Variants in ADGRE2 observed in about 807,000 individuals in gnomAD.
ADGRE2 encodes the protein CD97 antigen.
Under a neutral mutation model 100.8 loss-of-function variants are expected in ADGRE2, and 83 were observed. That is an observed-to-expected ratio of 0.82 (90% CI 0.69 to 0.99). The LOEUF (loss-of-function observed/expected upper bound fraction) is 0.99. Ranked by LOEUF, ADGRE2 falls within the 50% of genes least tolerant of loss-of-function variation. The pLI is 0.00. For missense variants in ADGRE2, 814 were observed against 1,035.7 expected (o/e 0.79, Z 2.94); for synonymous variants, 355 against 413.0 (o/e 0.86, Z 1.70).
At chr19:14,777,700 TG>T (rs1373453270) in intron 1 of ADGRE2, among the ~76,000 whole-genome samples, 1 of 123,190 alleles carries the variant, frequency 8.1e-6, no homozygotes, top group Admixed American at 1.0e-4. Flanking sequence ...TGTGTCCAGG[TG>T]TTCTCATTGC....
Position 14,754,439 on chromosome 19 carries a change from T to TTATCTATCTATC in ADGRE2, c.1590+503_1590+514dup, listed in dbSNP as rs58065037. ...TGGCTAGAATATAAGCAGGCAGAAA[T>TTATCTATCTATC]TATCTATCTATCTATCTATCTATCT... On this transcript the variant is annotated intron_variant, in intron 14 of 20. Transcript: ENST00000315576. 6.0e-3 allele frequency among the ~76,000 whole-genome samples: 763 copies of TTATCTATCTATC among 126,328 alleles called. 5 individuals carry two copies. The highest frequency in any genetic ancestry group is 0.015 in the Middle Eastern group (4 of 266). The allele number at this position is 126,328 out of a possible 152,430, so 82.9% of individuals were successfully genotyped here.
In ADGRE2 at chr19:14,773,939, G is replaced by A. The variant is rs78992533; in HGVS notation, c.198C>T (p.Asp66=). 0.041 allele frequency: 66,406 copies of A among 1,613,614 alleles called. 2,424 individuals carry two copies. Among genetic ancestry groups the A allele is most frequent in the African/African-American group, 0.14 (10,708 of 74,950 alleles). ...TGCGCTGCCCTCAAGCCTCTGTACC[G>A]TCACAAGTCTCCATGGGGGTGGTGA... ...EIITTPMETC[D]DINECATLSK... Residue 66 remains aspartate (D), a splice_region_variant and synonymous_variant, in exon 4 of 21, where the codon GAC becomes GAT. Transcript: ENST00000315576.
At chr19:14,741,028 G>C (rs1195764020) in intron 20 of ADGRE2, among the ~76,000 whole-genome samples, 1 of 151,276 alleles carries the variant, frequency 6.6e-6, no homozygotes, top group Non-Finnish European at 1.5e-5. Flanking sequence ...ACCACGCCCA[G>C]CGAATTTTTA....
chr19:14,738,390 TC>T (rs1016594537), intron 20 of ADGRE2, among the ~76,000 whole-genome samples: 11 of 152,122 alleles, frequency 7.2e-5, no homozygotes, highest in African/African-American at 1.7e-4. Flanking sequence ...TCCTTTTTTT[TC>T]CCCTGAGACA....
chr19:14,755,412 C>G (rs2043463029), intron 13 of ADGRE2, among the ~76,000 whole-genome samples: 1 of 152,088 alleles, frequency 6.6e-6, no homozygotes, highest in Non-Finnish European at 1.5e-5. Flanking sequence ...GAGATCGTGC[C>G]ACTGCACTCC....
Position 14,752,359 on chromosome 19 carries a change from G to A in ADGRE2, c.1758C>T (p.Phe586=). 6.2e-7 allele frequency: 1 copy of A among 1,614,174 alleles called. No homozygotes were observed. ...SLCLFLAHLL[F]LVAIDQTGHK... is the part of the protein sequence containing the mutation. ...GTCCGGTTTGATCAATTGCCACGAG[G>A]AAGAGGAGGTGGGCCAGGAAGAGGC... The change falls in exon 15 of 21, where the codon TTC becomes TTT. Residue 586 remains phenylalanine (F), a synonymous_variant. Transcript: ENST00000315576.
chr19:14,768,115 C>G (rs150365154), intron 5 of ADGRE2, among the ~76,000 whole-genome samples: 3 of 152,356 alleles, frequency 2.0e-5, no homozygotes, highest in African/African-American at 7.2e-5. Context: ...CAGCTGCTCA[C>G]TGGCTGAGTT....
In ADGRE2 at chr19:14,778,415, A is replaced by G. The variant is rs569210526; in HGVS notation, c.-330T>C. ...TAGAGTGAGACCCTGTGTCAAAAAC[A>G]AAAAGAAAGAAAGAAAACTGAGGCA... On this transcript the variant is annotated 5_prime_UTR_variant, in exon 1 of 21. Coordinates refer to ENST00000315576, the MANE Select transcript of ADGRE2 (RefSeq NM_013447.4). The G allele has an allele frequency of 2.6e-5, 20 of 769,776 alleles. No homozygotes were observed. Among genetic ancestry groups the G allele is most frequent in the Non-Finnish European group, 3.0e-5 (19 of 633,028 alleles). The allele number at this position is 769,776 out of a possible 1,614,324, so 47.7% of individuals were successfully genotyped here. A position where few individuals can be genotyped will look rare whatever the true frequency, so the allele number is the denominator to read the frequency against.
intron 20 of ADGRE2, among the ~76,000 whole-genome samples, chr19:14,738,608 G>A (rs1012003294): frequency 2.0e-5 from 3 of 151,976 alleles, no homozygotes; most frequent in Non-Finnish European, 2.9e-5. Flanking sequence ...GAAGTCCTGA[G>A]CTAAAGTGAT....
Position 14,736,142 on chromosome 19 carries a change from A to T in ADGRE2, c.*94T>A. ...TGACATGGTGAATTTCTTGAAACAC[A>T]CAGAACAAAGTCTTTTCTTTCCCCT... On this transcript the variant is annotated 3_prime_UTR_variant, in exon 21 of 21. Transcript: ENST00000315576. 2 of 1,199,792 alleles carry T rather than the reference A, an allele frequency of 1.7e-6. 1 individual carries two copies. Among genetic ancestry groups the T allele is most frequent in the South Asian group, 2.6e-5 (2 of 75,794 alleles). The allele number at this position is 1,199,792 out of a possible 1,614,324, so 74.3% of individuals were successfully genotyped here.
chr19:14,746,142 A>C, intron 18 of ADGRE2, 90 bp downstream of exon 18: 1 of 745,488 alleles, frequency 1.3e-6, no homozygotes, highest in Non-Finnish European at 2.3e-6. Context: ...AAAGACCCTG[A>C]GAAGGGACCT....
intron 16 of ADGRE2, among the ~76,000 whole-genome samples, chr19:14,747,816 A>G (rs757984048): frequency 3.3e-5 from 5 of 152,192 alleles, no homozygotes; most frequent in Admixed American, 1.3e-4. Flanking sequence ...CTAAATAAAT[A>G]AATAATGACT....
At chr19:14,755,582 G>T in intron 13 of ADGRE2, 72 bp downstream of exon 13, 1 of 1,383,936 alleles carries the variant, frequency 7.2e-7, no homozygotes, top group Non-Finnish European at 1.0e-6. Flanking sequence ...TGAGCCCCAG[G>T]GCTGAGCTGA....
At chr19:14,774,181 G>A (rs1163560032) in intron 3 of ADGRE2, 75 bp downstream of exon 3, 4 of 1,515,398 alleles carry the variant, frequency 2.6e-6, no homozygotes, top group Non-Finnish European at 3.6e-6. Context: ...TGGGCTGAAG[G>A]GGGCTGGGCG....
Position 14,778,249 on chromosome 19 carries a change from A to G in ADGRE2, c.-172+8T>C, listed in dbSNP as rs1383193613. The G allele has an allele frequency of 2.0e-5, 3 of 152,214 alleles. No homozygotes were observed. Among genetic ancestry groups the G allele is most frequent in the Non-Finnish European group, 4.4e-5 (3 of 68,134 alleles). 9.4% of individuals were successfully genotyped at this position (152,214 alleles called of 1,614,324 possible). A position where few individuals can be genotyped will look rare whatever the true frequency, so the allele number is the denominator to read the frequency against. The stretch of plus-strand genomic sequence containing the variant: ...AAGCTCTGTTTCTTCAAAAAGAAAA[A>G]AAATTACCTGGGCTTGGTGGCAGAC... On this transcript the variant is annotated splice_region_variant and intron_variant, in intron 1 of 20. Coordinates refer to ENST00000315576, the MANE Select transcript of ADGRE2 (RefSeq NM_013447.4).
intron 14 of ADGRE2, among the ~76,000 whole-genome samples, chr19:14,752,875 G>A (rs879540589): frequency 2.6e-5 from 4 of 151,808 alleles, no homozygotes; most frequent in Non-Finnish European, 2.9e-5. Flanking sequence ...CGGTTCAAGC[G>A]ATTCTCGTGT....
intron 2 of ADGRE2, among the ~76,000 whole-genome samples, chr19:14,774,718 G>C (rs1409403489): frequency 1.4e-5 from 1 of 70,504 alleles, no homozygotes; most frequent in African/African-American, 4.6e-5. Flanking sequence ...CTGTCGCCCA[G>C]GCTGAAGTGC....
chr19:14,727,847 A>G (rs2042643308), downstream of ADGRE2, among the ~76,000 whole-genome samples: 1 of 152,226 alleles, frequency 6.6e-6, no homozygotes, highest in Admixed American at 6.5e-5. Flanking sequence ...GCTTATGTAT[A>G]CATGCATGCA....
intron 16 of ADGRE2, among the ~76,000 whole-genome samples, chr19:14,747,634 T>C (rs2147181003): frequency 6.6e-6 from 1 of 152,200 alleles, no homozygotes; most frequent in South Asian, 2.1e-4. Context: ...GTGAAATCCT[T>C]TCTCTACTAA....
Sources: allele counts gnomAD v4.1 joint callset (sites outside exome capture counted in the v4.1 genomes callset), GRCh38; gene constraint gnomAD v4.1.1; transcripts MANE v1.5; gene names NCBI Gene and HGNC (gene_info 2026-07-23, HGNC 2026-07-21).